DPYD: variants seen among roughly 807,000 people sequenced by gnomAD.
DPYD encodes the protein dihydropyrimidine dehydrogenase [NADP(+)].
In DPYD, 109 loss-of-function variants were observed where a neutral mutation model predicts 116.2. That is an observed-to-expected ratio of 0.94 (90% CI 0.80 to 1.10). DPYD has a LOEUF of 1.10. DPYD is among the 50% of genes least tolerant of loss of function. DPYD has a pLI of 0.00. For synonymous variants in DPYD, 440 were observed against 432.0 expected, an observed-to-expected ratio of 1.02 and a Z score of -0.23; for missense variants, 1,302 against 1,254.5, an observed-to-expected ratio of 1.04 and a Z score of -0.57.
rs1333722792 is a variant in DPYD, at chr1:97,516,039, T to TA, written c.1525-99dup. 1.5e-5 allele frequency: 18 copies of TA among 1,169,106 alleles called. No homozygotes were observed. In the South Asian group the frequency reaches 2.0e-4, roughly 13 times the overall value. The allele number at this position is 1,169,106 out of a possible 1,614,324, so 72.4% of individuals were successfully genotyped here. On this transcript the variant is annotated intron_variant, in intron 12 of 22. Coordinates refer to ENST00000370192, the MANE Select transcript of DPYD (RefSeq NM_000110.4). ...CACTTCAACACAGCATCCGAATTAA[T>TA]ATAGATTACAACAGTCTGTTTACAA...
intron 2 of DPYD, among the ~76,000 whole-genome samples, chr1:97,835,516 T>A (rs1669727683): frequency 6.6e-6 from 1 of 152,102 alleles, no homozygotes; most frequent in African/African-American, 2.4e-5. Context: ...ATTTTAGTAC[T>A]TTTTTGAGAT....
Position 97,287,723 on chromosome 1 carries a change from C to T in DPYD, c.2299+17536G>A, listed in dbSNP as rs1488669253. Among the ~76,000 whole-genome samples the T allele has an allele frequency of 2.6e-5, 4 of 152,188 alleles. 1 individual carries two copies. The East Asian group carries it at 7.8e-4, about 30-fold the overall frequency. Reference sequence around the variant, plus strand: ...TCAGTGAGAATCTGTGGGTGTAGGACCCTCCGAGCCAGGTGCAGGATATAA... The same window carrying T: ...TCAGTGAGAATCTGTGGGTGTAGGATCCTCCGAGCCAGGTGCAGGATATAA... On this transcript the variant is annotated intron_variant, in intron 18 of 22. Coordinates refer to ENST00000370192, the MANE Select transcript of DPYD (RefSeq NM_000110.4).
chr1:97,281,019 G>A (rs1463711660), intron 18 of DPYD, among the ~76,000 whole-genome samples: 2 of 152,152 alleles, frequency 1.3e-5, no homozygotes, highest in South Asian at 4.1e-4. Context: ...ATTATTGTTC[G>A]ATTATAAATA....
chr1:97,468,494 GAA>G (rs1482347154), intron 13 of DPYD, among the ~76,000 whole-genome samples: 2 of 152,114 alleles, frequency 1.3e-5, no homozygotes, highest in African/African-American at 4.8e-5. Flanking sequence ...TATGTTAACA[GAA>G]AGTGTGCCTT....
Position 97,665,906 on chromosome 1 carries a change from G to A in DPYD, c.850+13189C>T, listed in dbSNP as rs189228696. 3.8e-3 allele frequency among the ~76,000 whole-genome samples: 584 copies of A among 152,228 alleles called. 1 individual carries two copies. Among genetic ancestry groups the A allele is most frequent in the Non-Finnish European group, 4.2e-3 (289 of 68,006 alleles). Reference sequence around the variant, plus strand: ...GTTATTTCCTGGCTGAAGTCAATAGGTGCTAATTGTTAGAATTCATCATGA... The same window carrying A: ...GTTATTTCCTGGCTGAAGTCAATAGATGCTAATTGTTAGAATTCATCATGA... On this transcript the variant is annotated intron_variant, in intron 8 of 22. Transcript: ENST00000370192.
At chr1:97,733,944 T>C (rs962933621) in intron 4 of DPYD, among the ~76,000 whole-genome samples, 5 of 152,048 alleles carry the variant, frequency 3.3e-5, no homozygotes, top group African/African-American at 7.2e-5. Context: ...ATATGACTTC[T>C]ATAATAGTAA....
At chr1:97,881,213 T>A (rs915379304) in intron 2 of DPYD, among the ~76,000 whole-genome samples, 1 of 152,030 alleles carries the variant, frequency 6.6e-6, no homozygotes, top group South Asian at 2.1e-4. Context: ...TAAGTTAAAA[T>A]GAGGTTATTA....
intron 3 of DPYD, among the ~76,000 whole-genome samples, chr1:97,765,175 TTGAG>T (rs1431232653): frequency 1.3e-5 from 2 of 152,208 alleles, no homozygotes; most frequent in Non-Finnish European, 2.9e-5. Flanking sequence ...GCCTTCACTC[TTGAG>T]TTTTACTTTT....
chr1:97,149,907 T>C (rs1654898375), intron 20 of DPYD, among the ~76,000 whole-genome samples: 1 of 152,238 alleles, frequency 6.6e-6, no homozygotes, highest in Non-Finnish European at 1.5e-5. Flanking sequence ...CATTTCTGTG[T>C]AAAACCATTT....
intron 18 of DPYD, among the ~76,000 whole-genome samples, chr1:97,300,623 T>TTACATTTAGTTACATTTAGTTACAAAA (rs1266056382): frequency 4.6e-5 from 7 of 152,096 alleles, no homozygotes; most frequent in South Asian, 2.1e-4. Flanking sequence ...TCTGAGTTTG[T>TTACATTTAGTTACATTTAGTTACAAAA]AATCTGTTTT....
chr1:97,367,581 G>A (rs910585262), intron 16 of DPYD, among the ~76,000 whole-genome samples: 1 of 152,146 alleles, frequency 6.6e-6, no homozygotes, highest in African/African-American at 2.4e-5. Flanking sequence ...AGGGGACTGT[G>A]AGGTGGCAAG....
intron 20 of DPYD, among the ~76,000 whole-genome samples, chr1:97,124,335 A>T (rs1400015216): frequency 1.3e-5 from 2 of 152,036 alleles, no homozygotes; most frequent in Admixed American, 1.3e-4. Context: ...ATTTCTTAAT[A>T]CTTTGTTGTG....
chr1:97,237,333 A>T (rs1662014417), intron 18 of DPYD, among the ~76,000 whole-genome samples: 1 of 151,094 alleles, frequency 6.6e-6, no homozygotes, highest in Admixed American at 6.6e-5. Context: ...CGTTTGCATG[A>T]CTACTGCTTT....
At chr1:97,852,527 T>C (rs900733414) in intron 2 of DPYD, among the ~76,000 whole-genome samples, 1 of 152,198 alleles carries the variant, frequency 6.6e-6, no homozygotes, top group Non-Finnish European at 1.5e-5. Flanking sequence ...CTTATTGTAT[T>C]AATGATGATG....
At chr1:97,915,034 G>A (rs1219929262) in intron 1 of DPYD, among the ~76,000 whole-genome samples, 1 of 152,122 alleles carries the variant, frequency 6.6e-6, no homozygotes, top group East Asian at 1.9e-4. Context: ...TTTAAAATAA[G>A]TGTAACCAAT....
intron 14 of DPYD, among the ~76,000 whole-genome samples, chr1:97,445,943 T>G (rs1476640653): frequency 2.0e-5 from 3 of 152,084 alleles, no homozygotes; most frequent in African/African-American, 4.8e-5. Flanking sequence ...GTCAGGCTGG[T>G]CACAAACTCC....
chr1:97,794,910 ATTGT>A (rs1667490655), intron 3 of DPYD, among the ~76,000 whole-genome samples: 2 of 152,078 alleles, frequency 1.3e-5, no homozygotes, highest in South Asian at 2.1e-4. Flanking sequence ...TTAATTTTTA[ATTGT>A]TTGTTGTTAG....
chr1:97,527,793 G>C (rs1293988090), intron 12 of DPYD, among the ~76,000 whole-genome samples: 1 of 42,032 alleles, frequency 2.4e-5, no homozygotes, highest in Admixed American at 3.0e-4. Flanking sequence ...AATGAAATTT[G>C]GAAAAAAAAA....
intron 18 of DPYD, among the ~76,000 whole-genome samples, chr1:97,282,609 A>G (rs535424463): frequency 3.3e-5 from 5 of 152,220 alleles, no homozygotes; most frequent in African/African-American, 1.2e-4. Context: ...TTCAAGGGGT[A>G]CATGTGCAGG....
Sources: gnomAD v4.1 joint callset for allele counts (sites outside exome capture counted in the v4.1 genomes callset) on GRCh38, gnomAD v4.1.1 for gene constraint, MANE v1.5 for transcripts, NCBI Gene and HGNC (gene_info 2026-07-23, HGNC 2026-07-21) for gene names.